The following ANO3 variants were observed in gnomAD, a reference collection of about 807,000 sequenced individuals.
The protein encoded by ANO3 is anoctamin-3.
In ANO3, 99 loss-of-function variants were observed where a neutral mutation model predicts 144.8. That is an observed-to-expected ratio of 0.68 (90% CI 0.58 to 0.81). The LOEUF (loss-of-function observed/expected upper bound fraction) is 0.81, where lower values mean the gene tolerates loss of function less well. ANO3 is among the 30% of genes least tolerant of loss of function. ANO3 has a pLI of 0.00. For missense variants in ANO3, 905 were observed against 1,202.2 expected, an observed-to-expected ratio of 0.75 and a Z score of 3.66; for synonymous variants, 414 against 392.6, an observed-to-expected ratio of 1.05 and a Z score of -0.64.
At chr11:26,193,556 C>A (rs892268355) in intron 1 of ANO3, among the ~76,000 whole-genome samples, 1 of 152,122 alleles carries the variant, frequency 6.6e-6, no homozygotes, top group African/African-American at 2.4e-5. Flanking sequence ...TTTTCCTAGT[C>A]TATAATTTGA....
intron 1 of ANO3, among the ~76,000 whole-genome samples, chr11:26,353,726 G>A (rs551995417): frequency 7.2e-5 from 11 of 152,210 alleles, no homozygotes; most frequent in Admixed American, 6.5e-4. Context: ...GCGCCACCGC[G>A]TCAGGCTAAT....
intron 4 of ANO3, among the ~76,000 whole-genome samples, chr11:26,465,106 T>C (rs988672107): frequency 2.0e-5 from 3 of 149,168 alleles, no homozygotes; most frequent in Non-Finnish European, 4.5e-5. Context: ...CTTTCTCTTA[T>C]TATACCCCAT....
At chr11:26,571,723 G>C (rs1317570324) in intron 14 of ANO3, among the ~76,000 whole-genome samples, 1 of 152,056 alleles carries the variant, frequency 6.6e-6, no homozygotes, top group Non-Finnish European at 1.5e-5. Context: ...ACTAAGATCT[G>C]ACTTAAGAAA....
At chr11:26,618,269 A>G (rs992472367) in intron 17 of ANO3, among the ~76,000 whole-genome samples, 5 of 152,104 alleles carry the variant, frequency 3.3e-5, no homozygotes, top group African/African-American at 7.2e-5. Flanking sequence ...TTCTGTACAT[A>G]GCCAGAAACC....
At chr11:26,463,235 C>A in intron 4 of ANO3, 87 bp downstream of exon 4, 1 of 674,448 alleles carries the variant, frequency 1.5e-6, no homozygotes, top group Non-Finnish European at 2.5e-6. Flanking sequence ...TGGTTTTCTG[C>A]TGGAGAATAT....
intron 2 of ANO3, 133 bp from the exon 3 acceptor site, chr11:26,443,632 T>C (rs1453628975): frequency 4.0e-6 from 2 of 500,724 alleles, no homozygotes; most frequent in Non-Finnish European, 7.0e-6. Flanking sequence ...ACATTTTAAA[T>C]AACTAATTTT....
intron 14 of ANO3, among the ~76,000 whole-genome samples, chr11:26,592,692 C>T (rs545168062): frequency 5.3e-5 from 8 of 151,018 alleles, no homozygotes; most frequent in Non-Finnish European, 1.2e-4. Context: ...CAGGCCCTGA[C>T]TATCTGCTTG....
At chr11:26,238,914 A>C (rs12049868) in intron 1 of ANO3, among the ~76,000 whole-genome samples, 2,522 of 151,948 alleles carry the variant, frequency 0.017, 58 homozygotes, top group East Asian at 0.13. Flanking sequence ...AAATGTAAAT[A>C]AAAAGTTTTG....
chr11:26,595,460 G>GTTTTTTTTTTTTTTTTTTTTTTTTTT (rs201712393), intron 14 of ANO3, among the ~76,000 whole-genome samples: 4 of 101,386 alleles, frequency 3.9e-5, no homozygotes, highest in African/African-American at 8.4e-5. Flanking sequence ...AGATAGAGTT[G>GTTTTTTTTTTTTTTTTTTTTTTTTTT]TTTTTTTTTT....
At chr11:26,526,153 T>C (rs1483047295) in intron 7 of ANO3, among the ~76,000 whole-genome samples, 2 of 152,132 alleles carry the variant, frequency 1.3e-5, no homozygotes, top group African/African-American at 4.8e-5. Context: ...AGACCCACTC[T>C]CATTCTAACC....
At chr11:26,199,884 G>A (rs922818560) in intron 1 of ANO3, among the ~76,000 whole-genome samples, 2 of 152,114 alleles carry the variant, frequency 1.3e-5, no homozygotes, top group African/African-American at 4.8e-5. Flanking sequence ...CAATTGTAAT[G>A]TTAGTAGATA....
At chr11:26,454,044 A>G (rs1186321733) in intron 3 of ANO3, among the ~76,000 whole-genome samples, 1 of 152,194 alleles carries the variant, frequency 6.6e-6, no homozygotes, top group East Asian at 1.9e-4. Context: ...CAAAGACACA[A>G]CATACCAGAA....
intron 1 of ANO3, among the ~76,000 whole-genome samples, chr11:26,247,411 T>C (rs1006730362): frequency 2.0e-5 from 3 of 152,204 alleles, no homozygotes; most frequent in African/African-American, 7.2e-5. Context: ...CTATTTCCAG[T>C]TTTTCTTTTT....
chr11:26,458,752 G>A (rs1565037642), intron 3 of ANO3, among the ~76,000 whole-genome samples: 1 of 152,056 alleles, frequency 6.6e-6, no homozygotes, highest in Non-Finnish European at 1.5e-5. Context: ...TCTGGATATA[G>A]CGATGAACAA....
intron 4 of ANO3, among the ~76,000 whole-genome samples, chr11:26,481,234 T>C (rs1203944952): frequency 6.6e-6 from 1 of 152,144 alleles, no homozygotes; most frequent in African/African-American, 2.4e-5. Context: ...TAGACGATTT[T>C]ATGTGAAACG....
At chr11:26,300,217 G>GAC (rs149964961) in intron 1 of ANO3, among the ~76,000 whole-genome samples, 4 of 151,152 alleles carry the variant, frequency 2.6e-5, no homozygotes, top group East Asian at 1.9e-4. Context: ...CACACACACA[G>GAC]ACACACACAC....
intron 17 of ANO3, among the ~76,000 whole-genome samples, chr11:26,620,440 A>C (rs1214457392): frequency 6.6e-6 from 1 of 151,770 alleles, no homozygotes; most frequent in Non-Finnish European, 1.5e-5. Flanking sequence ...CAAAAATTAA[A>C]ATGTTATTAA....
intron 4 of ANO3, among the ~76,000 whole-genome samples, chr11:26,485,606 A>G (rs1426880910): frequency 6.6e-6 from 1 of 152,156 alleles, no homozygotes; most frequent in African/African-American, 2.4e-5. Context: ...ACATCTGATG[A>G]TTAGGGATGT....
intron 14 of ANO3, among the ~76,000 whole-genome samples, chr11:26,574,785 A>G (rs184282091): frequency 1.3e-5 from 2 of 152,224 alleles, no homozygotes; most frequent in African/African-American, 4.8e-5. Flanking sequence ...GATCTTCTTC[A>G]CTTAACTATA....
Sources: gnomAD v4.1 joint callset for allele counts (sites outside exome capture counted in the v4.1 genomes callset) on GRCh38, gnomAD v4.1.1 for gene constraint, MANE v1.5 for transcripts, NCBI Gene and HGNC (gene_info 2026-07-23, HGNC 2026-07-21) for gene names.